RYR2: variants seen among roughly 807,000 people sequenced by gnomAD.
The protein encoded by RYR2 is cardiac muscle ryanodine receptor-calcium release channel.
In RYR2, 227 loss-of-function variants were observed where a neutral mutation model predicts 601.1. The observed-to-expected ratio is 0.38, with a 90% CI of 0.34 to 0.42. The LOEUF (loss-of-function observed/expected upper bound fraction) is 0.42. Ranked by LOEUF, RYR2 falls within the 10% of genes least tolerant of loss-of-function variation. The pLI is 1.00. For missense variants in RYR2, 4,646 were observed against 6,156.5 expected, an observed-to-expected ratio of 0.75 and a Z score of 8.21; for synonymous variants, 2,223 against 2,175.1, an observed-to-expected ratio of 1.02 and a Z score of -0.61.
intron 80 of RYR2, among the ~76,000 whole-genome samples, chr1:237,752,496 G>A (rs967785924): frequency 8.6e-5 from 13 of 150,776 alleles, no homozygotes; most frequent in East Asian, 5.8e-4. Flanking sequence ...GGAACCACTC[G>A]TTTTAAACAA....
Position 237,688,687 on chromosome 1 carries a change from A to T in RYR2, c.9067+1183A>T, listed in dbSNP as rs1043837198. On this transcript the variant is annotated intron_variant, in intron 63 of 104. Coordinates refer to ENST00000366574, the MANE Select transcript of RYR2 (RefSeq NM_001035.3). ...CTGACTTTTGTTTAACTTCTCTTCA[A>T]CAGAGAAATATTTTCATGGGCTTAT... Among the ~76,000 whole-genome samples the T allele has an allele frequency of 6.6e-5, 10 of 152,242 alleles. No individual in the cohort carries two copies. The East Asian group carries it at 1.9e-3, about 29-fold the overall frequency.
chr1:237,519,481 T>C (rs1666883084), intron 24 of RYR2, among the ~76,000 whole-genome samples: 1 of 152,202 alleles, frequency 6.6e-6, no homozygotes, highest in Non-Finnish European at 1.5e-5. Context: ...GGGACCAGTT[T>C]TACTCTTCTG....
intron 51 of RYR2, among the ~76,000 whole-genome samples, chr1:237,653,021 A>T (rs533262259): frequency 6.6e-6 from 1 of 152,366 alleles, no homozygotes; most frequent in South Asian, 2.1e-4. Context: ...ATGTATAGTC[A>T]TAAGATCATT....
chr1:237,539,895 T>C (rs1301124607), intron 25 of RYR2, among the ~76,000 whole-genome samples: 1 of 148,534 alleles, frequency 6.7e-6, no homozygotes, highest in South Asian at 2.1e-4. Flanking sequence ...ATCTTGCACA[T>C]GTACCCCAGA....
chr1:237,329,910 G>A (rs1036657207), intron 2 of RYR2, among the ~76,000 whole-genome samples: 1 of 152,090 alleles, frequency 6.6e-6, no homozygotes, highest in East Asian at 1.9e-4. Flanking sequence ...AAGCAATACA[G>A]ATATACACAG....
chr1:237,381,894 A>T (rs1280760409), intron 8 of RYR2, among the ~76,000 whole-genome samples: 1 of 152,236 alleles, frequency 6.6e-6, no homozygotes, highest in African/African-American at 2.4e-5. Flanking sequence ...CTTTTCAAAA[A>T]TATCCAAAAG....
At chr1:237,519,775 C>T (rs1313929937) in intron 24 of RYR2, among the ~76,000 whole-genome samples, 1 of 151,970 alleles carries the variant, frequency 6.6e-6, no homozygotes, top group Admixed American at 6.6e-5. Context: ...CTTTCTTGTT[C>T]CATTTGAATT....
At chr1:237,065,318 C>T (rs1237239176) in intron 1 of RYR2, among the ~76,000 whole-genome samples, 1 of 121,878 alleles carries the variant, frequency 8.2e-6, no homozygotes, top group Non-Finnish European at 1.6e-5. Flanking sequence ...CTTGCATTGT[C>T]GCCCAGGCTG....
intron 50 of RYR2, 22 bp from the exon 51 acceptor site, chr1:237,651,389 A>T: frequency 6.6e-7 from 1 of 1,516,650 alleles, no homozygotes; most frequent in African/African-American, 1.4e-5. Flanking sequence ...TGGCATTATG[A>T]ACATTAGCTT....
chr1:237,109,594 G>A (rs959569979), intron 1 of RYR2, among the ~76,000 whole-genome samples: 3 of 152,166 alleles, frequency 2.0e-5, no homozygotes, highest in Admixed American at 2.0e-4. Flanking sequence ...GCCTGTGGGT[G>A]GTGCATGGGC....
At chr1:237,299,086 A>G (rs1693092129) in intron 2 of RYR2, among the ~76,000 whole-genome samples, 3 of 146,130 alleles carry the variant, frequency 2.1e-5, no homozygotes, top group Non-Finnish European at 3.0e-5. Flanking sequence ...GCTCAATGTT[A>G]TTTTTCCTGA....
intron 1 of RYR2, among the ~76,000 whole-genome samples, chr1:237,126,613 G>A (rs1671458865): frequency 3.3e-5 from 5 of 152,148 alleles, no homozygotes; most frequent in Admixed American, 3.3e-4. Context: ...TGGGTCTGAA[G>A]GTTGTCTATG....
At chr1:237,599,842 G>A (rs1341886062) in intron 34 of RYR2, among the ~76,000 whole-genome samples, 1 of 149,558 alleles carries the variant, frequency 6.7e-6, no homozygotes, top group Non-Finnish European at 1.5e-5. Context: ...CAGTTATCTA[G>A]GAATACATTT....
chr1:237,228,626 A>G (rs1299899147), intron 1 of RYR2, among the ~76,000 whole-genome samples: 1 of 152,214 alleles, frequency 6.6e-6, no homozygotes, highest in Non-Finnish European at 1.5e-5. Context: ...CATGCTGATT[A>G]AGAACATGAA....
intron 79 of RYR2, among the ~76,000 whole-genome samples, chr1:237,739,928 T>C (rs1191644277): frequency 6.6e-6 from 1 of 152,234 alleles, no homozygotes; most frequent in Non-Finnish European, 1.5e-5. Context: ...TGTGGATACC[T>C]GAATGATCTG....
intron 100 of RYR2, among the ~76,000 whole-genome samples, chr1:237,811,418 T>C (rs536987002): frequency 6.6e-6 from 1 of 152,320 alleles, no homozygotes; most frequent in Admixed American, 6.5e-5. Context: ...TTGCCCATCC[T>C]TTCTCTCCTT....
chr1:237,492,735 G>A (rs899160130), intron 18 of RYR2, among the ~76,000 whole-genome samples: 1 of 151,958 alleles, frequency 6.6e-6, no homozygotes, highest in East Asian at 1.9e-4. Flanking sequence ...GAGGTAGGAG[G>A]ATTCTTTGTG....
rs775760742 is a variant in RYR2, at chr1:237,784,537, C to T, written c.12825C>T (p.Thr4275=). The T allele has an allele frequency of 6.2e-7, 1 of 1,613,786 alleles. No individual in the cohort carries two copies. The highest frequency in any genetic ancestry group is 8.5e-7 in the Non-Finnish European group (1 of 1,179,828). The change falls in exon 90 of 105, where the codon ACC becomes ACT. Residue 4275 remains threonine (T), a synonymous_variant. Transcript: ENST00000366574. This position sits in a 1 kb window ranked among gnomAD's most constrained non-coding sequence, Gnocchi z 7.1. ...KKQMKKVKKM[T]VKDMVTAFFS... is the part of the protein sequence containing the mutation. ...AGATGAAAAAAGTAAAAAAGATGAC[C>T]GTGAAGGACATGGTCACGGCCTTCT...
intron 26 of RYR2, 25 bp from the exon 27 acceptor site, chr1:237,550,519 G>A (rs375209007): frequency 8.2e-5 from 132 of 1,603,854 alleles, no homozygotes; most frequent in Middle Eastern, 1.7e-4. Context: ...TTGCTTTGAC[G>A]GCTGCACCCT....
Sources: allele counts gnomAD v4.1 joint callset (sites outside exome capture counted in the v4.1 genomes callset), GRCh38; gene constraint gnomAD v4.1.1; non-coding constraint Gnocchi (gnomAD v3.1); transcripts MANE v1.5; gene names NCBI Gene and HGNC (gene_info 2026-07-23, HGNC 2026-07-21).